The following DCBLD1 variants were observed in gnomAD, a reference collection of about 807,000 sequenced individuals.
DCBLD1 encodes the protein discoidin, CUB and LCCL domain containing 1.
Under a neutral mutation model 71.5 loss-of-function variants are expected in DCBLD1, and 57 were observed. The observed-to-expected ratio is 0.80, with a 90% confidence interval of 0.64 to 0.99. The LOEUF is 0.99. Among genes scored for constraint, DCBLD1 ranks in the 50% least tolerant of loss-of-function variants. DCBLD1 has a pLI of 0.00. For synonymous variants in DCBLD1, 380 were observed against 363.8 expected (o/e 1.04, Z -0.51); for missense variants, 891 against 923.5 (o/e 0.96, Z 0.46).
At chr6:117,515,492 C>T (rs1778164674) in intron 2 of DCBLD1, among the ~76,000 whole-genome samples, 1 of 152,202 alleles carries the variant, frequency 6.6e-6, no homozygotes, top group South Asian at 2.1e-4. Flanking sequence ...TCACAATATT[C>T]ATCCTTAGGT....
At chr6:117,539,853 C>G (rs1240290080) in intron 9 of DCBLD1, 1 of 152,404 alleles carries the variant, frequency 6.6e-6, no homozygotes, top group East Asian at 1.9e-4. Flanking sequence ...GGCGGATCAC[C>G]CGAGGTCAGG....
At chr6:117,508,729 G>A (rs1159029674) in intron 2 of DCBLD1, among the ~76,000 whole-genome samples, 1 of 152,144 alleles carries the variant, frequency 6.6e-6, no homozygotes, top group Non-Finnish European at 1.5e-5. Context: ...GGTTGGGTCC[G>A]AGTTTTCCCT....
intron 2 of DCBLD1, among the ~76,000 whole-genome samples, chr6:117,510,580 A>G (rs1251165233): frequency 6.6e-6 from 1 of 152,190 alleles, no homozygotes; most frequent in Non-Finnish European, 1.5e-5. Context: ...CGTTTTATTC[A>G]TGCTCTTTTA....
At chr6:117,552,818 C>T (rs150347104), downstream of DCBLD1, among the ~76,000 whole-genome samples, 242 of 152,276 alleles carry the variant, frequency 1.6e-3, no homozygotes, top group African/African-American at 5.7e-3. Context: ...TCTCTATCAG[C>T]TCAAAACCCC....
At chr6:117,514,696 G>T (rs1778132704) in intron 2 of DCBLD1, among the ~76,000 whole-genome samples, 1 of 152,040 alleles carries the variant, frequency 6.6e-6, no homozygotes, top group African/African-American at 2.4e-5. Context: ...ATATGAAAGG[G>T]ATTGATGTCT....
At chr6:117,510,147 G>A (rs891126245) in intron 2 of DCBLD1, among the ~76,000 whole-genome samples, 2 of 152,120 alleles carry the variant, frequency 1.3e-5, no homozygotes, top group African/African-American at 4.8e-5. Context: ...TAGCGTTGAT[G>A]CATCATCTTG....
In DCBLD1 at chr6:117,548,691, T is replaced by C. The variant is rs1779362301; in HGVS notation, c.*252T>C. The C allele has an allele frequency of 1.4e-6, 2 of 1,398,374 alleles. No individual in the cohort carries two copies. The highest frequency in any genetic ancestry group is 1.5e-5 in the African/African-American group (1 of 68,826). The allele number at this position is 1,398,374 out of a possible 1,614,324, so 86.6% of individuals were successfully genotyped here. A position where few individuals can be genotyped will look rare whatever the true frequency, so the allele number is the denominator to read the frequency against. ...GGCTAGAAAAATGAAAATTTTCAGA[T>C]GGCGTTTTCATTCCTCTGACTGATA... On this transcript the variant is annotated 3_prime_UTR_variant, in exon 15 of 15. Transcript: ENST00000338728.
chr6:117,540,812 C>T lies in DCBLD1; in HGVS notation c.1246C>T (p.Gln416Ter). 1 of 1,614,210 alleles carries T rather than the reference C, an allele frequency of 6.2e-7. No homozygotes were observed. Among genetic ancestry groups the T allele is most frequent in the South Asian group, 1.1e-5 (1 of 91,086 alleles). Reference protein sequence around the residue: ...KVELIGCQITQGNDSLVWRKT... With the variant: ...KVELIGCQIT ...GGAGCTCATTGGTTGCCAGATTACA[C>T]AAGGTAGGGCTCAGGGCAAGCCAGT... is the stretch of plus-strand genomic sequence containing the variant. Residue 416 changes from glutamine (Q) to a stop codon, truncating the protein, a stop_gained, in exon 10 of 15, where the codon CAA becomes TAA. Transcript: ENST00000338728. LOFTEE classifies it high-confidence loss of function.
At chr6:117,504,288 A>G (rs756197400) in intron 2 of DCBLD1, among the ~76,000 whole-genome samples, 12 of 152,188 alleles carry the variant, frequency 7.9e-5, no homozygotes, top group Non-Finnish European at 1.3e-4. Context: ...TCATTTGACA[A>G]ATATTTATTG....
rs1304085894 is a variant in DCBLD1, at chr6:117,548,486, A to C, written c.*47A>C. 4 of 1,546,928 alleles carry C rather than the reference A, an allele frequency of 2.6e-6. No homozygotes were observed. The highest frequency in any genetic ancestry group is 3.5e-6 in the Non-Finnish European group (4 of 1,146,524). Reference sequence around the variant, plus strand: ...CTGTGGTACTGAGCGTCGGGCTGTCACAAGGCACTGGAAGAAGGGAGCCTG... The same window carrying C: ...CTGTGGTACTGAGCGTCGGGCTGTCCCAAGGCACTGGAAGAAGGGAGCCTG... On this transcript the variant is annotated 3_prime_UTR_variant, in exon 15 of 15. Coordinates refer to ENST00000338728, the MANE Select transcript of DCBLD1 (RefSeq NM_001366458.2).
intron 4 of DCBLD1, among the ~76,000 whole-genome samples, chr6:117,521,861 T>G (rs1375418367): frequency 6.6e-6 from 1 of 152,228 alleles, no homozygotes; most frequent in African/African-American, 2.4e-5. Flanking sequence ...ATAGACACCA[T>G]GTATACACTA....
At chr6:117,540,577 C>T in intron 9 of DCBLD1, 91 bp from the exon 10 acceptor site, 3 of 1,495,588 alleles carry the variant, frequency 2.0e-6, no homozygotes, top group East Asian at 2.3e-5. Context: ...GAATCCTTGC[C>T]TTGGTTTCAT....
At position 117,519,933 on chromosome 6, in the gene DCBLD1, C is replaced by T. The variant is rs373635706; in HGVS notation, c.443C>T (p.Ala148Val). The T allele has an allele frequency of 5.1e-5, 82 of 1,613,958 alleles. No homozygotes were observed. Among genetic ancestry groups the T allele is most frequent in the Middle Eastern group, 3.3e-4 (2 of 6,058 alleles). ...GGCCGGGGTTTTTTGCTGACCTATG[C>T]GAGCAGCGACCATCCAGGTATAACG... is the stretch of plus-strand genomic sequence containing the variant. ...ISGRGFLLTY[A>V]SSDHPDLITC... The change falls in exon 3 of 15, where the codon GCG becomes GTG. Residue 148 changes from alanine to valine, a missense_variant. Transcript: ENST00000338728.
chr6:117,535,756 G>A (rs1778862447), intron 6 of DCBLD1, among the ~76,000 whole-genome samples: 1 of 152,184 alleles, frequency 6.6e-6, no homozygotes, highest in African/African-American at 2.4e-5. Context: ...AAATGTAACA[G>A]CGTAGGAACG....
chr6:117,515,993 T>G (rs1778183523), intron 2 of DCBLD1, among the ~76,000 whole-genome samples: 2 of 152,120 alleles, frequency 1.3e-5, no homozygotes, highest in African/African-American at 4.8e-5. Context: ...TACTTATTTT[T>G]TAATATATTC....
intron 5 of DCBLD1, among the ~76,000 whole-genome samples, chr6:117,530,393 C>T (rs966120863): frequency 1.4e-4 from 21 of 152,184 alleles, no homozygotes; most frequent in African/African-American, 2.9e-4. Flanking sequence ...TCCTCACATG[C>T]GCAGTTGTCA....
At chr6:117,512,479 G>A (rs972271994) in intron 2 of DCBLD1, among the ~76,000 whole-genome samples, 5 of 152,140 alleles carry the variant, frequency 3.3e-5, no homozygotes, top group African/African-American at 9.7e-5. Context: ...ACTGCAATTA[G>A]CAAGCAAGGA....
intron 1 of DCBLD1, among the ~76,000 whole-genome samples, chr6:117,498,468 C>CAGGGAA (rs1582971671): frequency 1.3e-5 from 2 of 152,204 alleles, no homozygotes; most frequent in South Asian, 4.1e-4. Context: ...GGTCAAATTC[C>CAGGGAA]CTGTGGCAAA....
Position 117,545,475 on chromosome 6 carries a change from C to T in DCBLD1, c.1496-3C>T. On this transcript the variant is annotated splice_region_variant and splice_polypyrimidine_tract_variant and intron_variant, in intron 13 of 14. Coordinates refer to ENST00000338728, the MANE Select transcript of DCBLD1 (RefSeq NM_001366458.2). ...CATTTGGTTTATGTTACCTTTATTC[C>T]AGACTGTTGGAAGCAGATTAAATAT... 1 of 1,613,436 alleles carries T rather than the reference C, an allele frequency of 6.2e-7. No homozygotes were observed. Among genetic ancestry groups the T allele is most frequent in the Non-Finnish European group, 8.5e-7 (1 of 1,179,722 alleles).
Sources: allele counts gnomAD v4.1 joint callset (sites outside exome capture counted in the v4.1 genomes callset), GRCh38; gene constraint gnomAD v4.1.1; transcripts MANE v1.5; gene names NCBI Gene and HGNC (gene_info 2026-07-23, HGNC 2026-07-21).